The following RFTN1 variants were observed in gnomAD, a reference collection of about 807,000 sequenced individuals.
RFTN1 encodes raftlin.
Under a neutral mutation model 46.5 loss-of-function variants are expected in RFTN1, and 26 were observed. The ratio of observed to expected loss-of-function variants is 0.56; its 90% CI spans 0.41 to 0.78. RFTN1 has a LOEUF of 0.78. Among genes scored for constraint, RFTN1 ranks in the 30% least tolerant of loss-of-function variants. The probability of loss-of-function intolerance (pLI) is 0.00; values close to 1 mark genes in which losing one functional copy is unlikely to be tolerated. For synonymous variants in RFTN1, 261 were observed against 284.2 expected, an observed-to-expected ratio of 0.92 and a Z score of 0.82; for missense variants, 693 against 718.7, an observed-to-expected ratio of 0.96 and a Z score of 0.41.
chr3:16,406,427 TCCTCCAAGGCAGGAATGACCGTAAG>T (rs1395900074), intron 4 of RFTN1, among the ~76,000 whole-genome samples: 4 of 152,078 alleles, frequency 2.6e-5, no homozygotes, highest in African/African-American at 9.7e-5. Flanking sequence ...CACACCTGGC[TCCTCCAAGGCAGGAATGACCGTAAG>T]CCACATTTCT....
chr3:16,318,507 G>A (rs2068683749), intron 9 of RFTN1, among the ~76,000 whole-genome samples: 1 of 152,168 alleles, frequency 6.6e-6, no homozygotes, highest in South Asian at 2.1e-4. Context: ...AATGTGCTAT[G>A]TAAATGTTTA....
At chr3:16,328,619 C>A (rs542811425) in intron 7 of RFTN1, among the ~76,000 whole-genome samples, 1 of 152,362 alleles carries the variant, frequency 6.6e-6, no homozygotes, top group South Asian at 2.1e-4. Context: ...CAAAGCATGG[C>A]CCGAGCCGGC....
intron 7 of RFTN1, 25 bp from the exon 8 acceptor site, chr3:16,326,901 GGCT>G (rs758028512): frequency 3.2e-6 from 5 of 1,578,712 alleles, no homozygotes; most frequent in African/African-American, 1.3e-5. Context: ...CCAGCATTAG[GGCT>G]GCTGCTGCCA....
In RFTN1 at chr3:16,481,604, G is replaced by C. The variant is rs2076368356; in HGVS notation, c.145+12121C>G. ...TTCACTGCATCCAACAATTGCTTTT[G>C]CCTAAACTGAAATTAAATAAATAGA... On this transcript the variant is annotated intron_variant, in intron 2 of 9. Coordinates refer to ENST00000334133, the MANE Select transcript of RFTN1 (RefSeq NM_015150.2). The surrounding 1 kb of genome is among the most constrained non-coding windows in gnomAD (Gnocchi z 5.1). Among the ~76,000 whole-genome samples, 1 of 152,052 alleles carries C rather than the reference G, an allele frequency of 6.6e-6. No homozygotes were observed. Among genetic ancestry groups the C allele is most frequent in the African/African-American group, 2.4e-5 (1 of 41,380 alleles).
chr3:16,389,090 G>T (rs1352940924), intron 4 of RFTN1, among the ~76,000 whole-genome samples: 1 of 152,188 alleles, frequency 6.6e-6, no homozygotes, highest in African/African-American at 2.4e-5. Context: ...CAGTATTCGT[G>T]ACCTTTTCTT....
intron 1 of RFTN1, among the ~76,000 whole-genome samples, chr3:16,503,607 GGATCTCTCCTACAC>G (rs1241198010): frequency 6.6e-6 from 1 of 152,226 alleles, no homozygotes; most frequent in African/African-American, 2.4e-5. Flanking sequence ...GCAGGGCCCA[GGATCTCTCCTACAC>G]CCTCACCTCC....
chr3:16,477,603 C>G (rs2076303031), intron 2 of RFTN1, among the ~76,000 whole-genome samples: 2 of 152,160 alleles, frequency 1.3e-5, no homozygotes, highest in Non-Finnish European at 2.9e-5. Flanking sequence ...TGGGAAGAGC[C>G]AAACCTCATT....
chr3:16,372,396 C>T (rs924853102), intron 5 of RFTN1, among the ~76,000 whole-genome samples: 5 of 152,144 alleles, frequency 3.3e-5, no homozygotes, highest in East Asian at 1.9e-4. Context: ...GGCCCATTCC[C>T]GAGAATGGCT....
intron 8 of RFTN1, 96 bp downstream of exon 8, chr3:16,326,677 G>A: frequency 3.3e-6 from 3 of 913,208 alleles, no homozygotes; most frequent in Non-Finnish European, 5.1e-6. Flanking sequence ...TCTTGCACAG[G>A]ATTAAATAAT....
At position 16,344,652 on chromosome 3, in the gene RFTN1, AG is replaced by A. The variant is rs2071522282; in HGVS notation, c.1146+13279del. 6.6e-6 allele frequency among the ~76,000 whole-genome samples: 1 copy of A among 152,172 alleles called. No individual in the cohort carries two copies. Among genetic ancestry groups the A allele is most frequent in the African/African-American group, 2.4e-5 (1 of 41,430 alleles). Reference sequence around the variant, plus strand: ...AGATCACTGCACAAGCCCCTGAAAAAGATGTGAAACAGGCCAAGGCACAGGA... The same window carrying A: ...AGATCACTGCACAAGCCCCTGAAAAAATGTGAAACAGGCCAAGGCACAGGA... On this transcript the variant is annotated intron_variant, in intron 7 of 9. Coordinates refer to ENST00000334133, the MANE Select transcript of RFTN1 (RefSeq NM_015150.2). The surrounding 1 kb of genome is among the most constrained non-coding windows in gnomAD (Gnocchi z 4.4).
At chr3:16,405,352 A>T (rs1204688830) in intron 4 of RFTN1, among the ~76,000 whole-genome samples, 3 of 152,198 alleles carry the variant, frequency 2.0e-5, no homozygotes, top group Non-Finnish European at 1.5e-5. Flanking sequence ...TCTGCATTTT[A>T]AATGTTCTGT....
intron 5 of RFTN1, among the ~76,000 whole-genome samples, chr3:16,375,125 T>A (rs755397601): frequency 1.3e-5 from 2 of 151,472 alleles, no homozygotes; most frequent in Non-Finnish European, 2.9e-5. Context: ...AGAAGAGGAG[T>A]AAAAAACACT....
intron 3 of RFTN1, among the ~76,000 whole-genome samples, chr3:16,415,430 T>TATATATATATATATAC: frequency 7.0e-5 from 8 of 114,346 alleles, no homozygotes; most frequent in African/African-American, 1.9e-4. Context: ...TATATATATA[T>TATATATATATATATAC]ACACACACAC....
rs1370524193 is a variant in RFTN1 at position 16,346,586 on chromosome 3, CCTCA to C, written c.1146+11342_1146+11345del. 3 of 152,236 alleles carry C rather than the reference CCTCA, an allele frequency of 2.0e-5. No homozygotes were observed. Among genetic ancestry groups the C allele is most frequent in the Admixed American group, 1.3e-4 (2 of 15,284 alleles). 9.4% of individuals were successfully genotyped at this position (152,236 alleles called of 1,614,324 possible). On this transcript the variant is annotated intron_variant, in intron 7 of 9. Coordinates refer to ENST00000334133, the MANE Select transcript of RFTN1 (RefSeq NM_015150.2). The surrounding 1 kb of genome is among the most constrained non-coding windows in gnomAD (Gnocchi z 4.4). Reference sequence around the variant, plus strand: ...GCCCCTCGATGGCCCAGGGCTTCTTCCTCACTGACACCCCCCAGGCCTGGACAAC... The same window carrying C: ...GCCCCTCGATGGCCCAGGGCTTCTTCCTGACACCCCCCAGGCCTGGACAAC...
chr3:16,417,552 C>G (rs2075106645), intron 3 of RFTN1, among the ~76,000 whole-genome samples: 1 of 152,150 alleles, frequency 6.6e-6, no homozygotes, highest in Non-Finnish European at 1.5e-5. Context: ...GACCTCATTA[C>G]TCATACACAA....
intron 1 of RFTN1, among the ~76,000 whole-genome samples, chr3:16,501,299 T>C (rs1362782803): frequency 6.6e-6 from 1 of 152,228 alleles, no homozygotes. Context: ...TCTGAAATGC[T>C]TCCCACGATG....
At position 16,442,055 on chromosome 3, in the gene RFTN1, G is replaced by A. The variant is rs928740994; in HGVS notation, c.146-8018C>T. On this transcript the variant is annotated intron_variant, in intron 2 of 9. Transcript: ENST00000334133. The surrounding 1 kb of genome is among the most constrained non-coding windows in gnomAD (Gnocchi z 4.1). Reference sequence around the variant, plus strand: ...CTAAATCTGTGGAATAAGTTAAAATGTTTGTTCTAAGGGCTTTAAAAATTT... The same window carrying A: ...CTAAATCTGTGGAATAAGTTAAAATATTTGTTCTAAGGGCTTTAAAAATTT... 6.6e-6 allele frequency among the ~76,000 whole-genome samples: 1 copy of A among 152,102 alleles called. No individual in the cohort carries two copies. Among genetic ancestry groups the A allele is most frequent in the Non-Finnish European group, 1.5e-5 (1 of 68,012 alleles).
chr3:16,380,590 AG>A lies in RFTN1; in HGVS notation c.442-2489del, dbSNP rs1559309411. On this transcript the variant is annotated intron_variant, in intron 4 of 9. Transcript: ENST00000334133. This position sits in a 1 kb window ranked among gnomAD's most constrained non-coding sequence, Gnocchi z 4.8. ...CAGGGGTTCTCAAAGTGTGGGCCCC[AG>A]ACCAGAGCATCAGCATCCCCTGGGA... 6.6e-6 allele frequency among the ~76,000 whole-genome samples: 1 copy of A among 152,194 alleles called. No individual in the cohort carries two copies. The highest frequency in any genetic ancestry group is 1.9e-4 in the East Asian group (1 of 5,194).
intron 4 of RFTN1, among the ~76,000 whole-genome samples, chr3:16,398,564 G>C (rs2074530449): frequency 6.6e-6 from 1 of 152,160 alleles, no homozygotes; most frequent in Non-Finnish European, 1.5e-5. Context: ...CATCTCAATA[G>C]GGTAGGGACA....
Sources: allele counts gnomAD v4.1 joint callset (sites outside exome capture counted in the v4.1 genomes callset), GRCh38; gene constraint gnomAD v4.1.1; non-coding constraint Gnocchi (gnomAD v3.1); transcripts MANE v1.5; gene names NCBI Gene and HGNC (gene_info 2026-07-23, HGNC 2026-07-21).